The following PKD1L1 variants were observed in gnomAD, a reference collection of about 807,000 sequenced individuals.
The protein encoded by PKD1L1 is polycystin-1-like protein 1.
PKD1L1 carries 236 observed loss-of-function variants against 323.4 expected under a neutral mutation model. The ratio of observed to expected loss-of-function variants is 0.73; its 90% CI spans 0.66 to 0.81. The LOEUF is 0.81. PKD1L1 is among the 40% of genes least tolerant of loss of function. The pLI is 0.00. For synonymous variants in PKD1L1, 1,344 were observed against 1,335.0 expected, an observed-to-expected ratio of 1.01 and a Z score of -0.15; for missense variants, 3,320 against 3,508.0, an observed-to-expected ratio of 0.95 and a Z score of 1.35.
intron 56 of PKD1L1, among the ~76,000 whole-genome samples, chr7:47,780,754 G>T (rs980503242): frequency 1.1e-4 from 17 of 152,130 alleles, no homozygotes; most frequent in Non-Finnish European, 2.5e-4. Context: ...TAGTCTTTTT[G>T]TCTTTATTGC....
intron 13 of PKD1L1, among the ~76,000 whole-genome samples, chr7:47,900,906 T>C (rs148785528): frequency 6.8e-4 from 104 of 152,302 alleles, no homozygotes; most frequent in African/African-American, 2.4e-3. Context: ...AACCCAGGTT[T>C]GTGACAAACA....
chr7:47,952,563 A>T (rs998386651), upstream of PKD1L1, among the ~76,000 whole-genome samples: 4 of 152,158 alleles, frequency 2.6e-5, no homozygotes, highest in African/African-American at 9.7e-5. Flanking sequence ...CTGGGGCCTT[A>T]GCCTCCCTTC....
chr7:47,799,312 C>G (rs903228029), intron 54 of PKD1L1, among the ~76,000 whole-genome samples: 1 of 152,108 alleles, frequency 6.6e-6, no homozygotes, highest in Non-Finnish European at 1.5e-5. Flanking sequence ...TTGATAAAAG[C>G]AAAGGACTCG....
intron 40 of PKD1L1, among the ~76,000 whole-genome samples, chr7:47,833,521 T>C (rs948335887): frequency 2.0e-5 from 3 of 152,156 alleles, no homozygotes; most frequent in Non-Finnish European, 4.4e-5. Flanking sequence ...TTGCACCTGG[T>C]TCTCTGGGAG....
intron 7 of PKD1L1, among the ~76,000 whole-genome samples, chr7:47,924,453 T>C (rs1787619053): frequency 1.3e-5 from 2 of 152,210 alleles, no homozygotes; most frequent in Non-Finnish European, 2.9e-5. Flanking sequence ...ATAGTGATGT[T>C]ATTTACAGGA....
rs778748127 is a variant in PKD1L1, at chr7:47,929,384, G to T, written c.880C>A (p.Leu294Ile). ...RNSDNFMNPV[L>I]NCSLEVEARA... is the part of the protein sequence containing the mutation. ...GCTTCCACTTCCAGGGAGCAATTAA[G>T]AACAGGGTTCATGAAGTTATCAGAA... Residue 294 changes from leucine to isoleucine, a missense_variant, in exon 7 of 57, where the codon CTT (leucine) becomes ATT (isoleucine). Physicochemically the swap from Leu to Ile is conservative, Grantham distance 5 (BLOSUM62 2). Coordinates refer to ENST00000289672, the MANE Select transcript of PKD1L1 (RefSeq NM_138295.5). The T allele has an allele frequency of 1.9e-6, 3 of 1,614,230 alleles. No individual in the cohort carries two copies. Among genetic ancestry groups the T allele is most frequent in the East Asian group, 4.5e-5 (2 of 44,884 alleles).
intron 31 of PKD1L1, among the ~76,000 whole-genome samples, chr7:47,848,588 C>T (rs1785713947): frequency 3.3e-5 from 5 of 152,136 alleles, no homozygotes; most frequent in Admixed American, 2.0e-4. Flanking sequence ...GGTGGACCAC[C>T]TGAGGTCGGG....
At chr7:47,782,828 G>A (rs530519219) in intron 56 of PKD1L1, among the ~76,000 whole-genome samples, 1 of 152,118 alleles carries the variant, frequency 6.6e-6, no homozygotes, top group African/African-American at 2.4e-5. Context: ...TCAACTATAT[G>A]TTGAGTAATA....
rs1786786776 is a variant in PKD1L1, at chr7:47,890,487, C to A, written c.2675+55G>T. On this transcript the variant is annotated intron_variant, in intron 16 of 56. Coordinates refer to ENST00000289672, the MANE Select transcript of PKD1L1 (RefSeq NM_138295.5). ...CAGATTCCTTTCACGGATGCTAGCA[C>A]CAGGTGGGAACAAACACCGGTGAGC... 2.6e-6 allele frequency: 4 copies of A among 1,556,360 alleles called. No homozygotes were observed. In the Admixed American group the frequency reaches 6.7e-5, roughly 26 times the overall value.
rs1583640532 is a variant in PKD1L1, at chr7:47,877,510, G to T, written c.3642C>A (p.Val1214=). 6.2e-7 allele frequency: 1 copy of T among 1,613,950 alleles called. No homozygotes were observed. ...HGLEAHTVFS[V]FCMSGKPDFH... is the part of the protein sequence containing the mutation. Reference sequence around the variant, plus strand: ...GTACCGGTTTTCCAGACATGCAGAAGACACTGAAGACGGTGTGTGCTTCCA... The same window carrying T: ...GTACCGGTTTTCCAGACATGCAGAATACACTGAAGACGGTGTGTGCTTCCA... The change falls in exon 22 of 57, where the codon GTC becomes GTA. Residue 1214 remains valine, a synonymous_variant. Transcript: ENST00000289672.
At chr7:47,790,006 A>T (rs986249696) in intron 56 of PKD1L1, among the ~76,000 whole-genome samples, 2 of 151,932 alleles carry the variant, frequency 1.3e-5, no homozygotes, top group Non-Finnish European at 2.9e-5. Flanking sequence ...CTCTTGCCTC[A>T]GCCTCCCGAG....
Position 47,854,905 on chromosome 7 carries a change from T to C in PKD1L1, c.4836A>G (p.Ala1612=). 6.2e-7 allele frequency: 1 copy of C among 1,614,148 alleles called. No individual in the cohort carries two copies. The highest frequency in any genetic ancestry group is 8.5e-7 in the Non-Finnish European group (1 of 1,180,022). ...EIEFSKPVTR[A]FPVMLLVRFS... Reference sequence around the variant, plus strand: ...ACCTTACTAGCAACATGACGGGAAATGCCCTTGTAACAGGTTTGGAAAATT... The same window carrying C: ...ACCTTACTAGCAACATGACGGGAAACGCCCTTGTAACAGGTTTGGAAAATT... Residue 1612 remains alanine, a synonymous_variant, in exon 30 of 57, where the codon GCA becomes GCG. Transcript: ENST00000289672.
At chr7:47,887,379 C>A (rs75689107) in intron 17 of PKD1L1, among the ~76,000 whole-genome samples, 6,964 of 152,294 alleles carry the variant, frequency 0.046, 384 homozygotes, top group African/African-American at 0.14. Flanking sequence ...AATAGTGCCA[C>A]GTGAGAAATC....
chr7:47,787,621 A>C (rs1786838145), intron 56 of PKD1L1, among the ~76,000 whole-genome samples: 1 of 152,230 alleles, frequency 6.6e-6, no homozygotes, highest in African/African-American at 2.4e-5. Flanking sequence ...AGTTCTTGCT[A>C]GTTATATGAG....
chr7:47,940,466 C>T, intron 2 of PKD1L1, 149 bp from the exon 3 acceptor site: 1 of 679,810 alleles, frequency 1.5e-6, no homozygotes, highest in Non-Finnish European at 2.4e-6. Flanking sequence ...TGTCCTTGGG[C>T]TGCCGTGTCC....
In PKD1L1 at chr7:47,888,111, G is replaced by A. The variant is rs1406078540; in HGVS notation, c.2715C>T (p.Phe905=). 3.1e-6 allele frequency: 5 copies of A among 1,613,942 alleles called. No individual in the cohort carries two copies. Among genetic ancestry groups the A allele is most frequent in the Non-Finnish European group, 4.2e-6 (5 of 1,179,966 alleles). The change falls in exon 17 of 57, where the codon TTC becomes TTT. Residue 905 remains phenylalanine (F), a synonymous_variant. Coordinates refer to ENST00000289672, the MANE Select transcript of PKD1L1 (RefSeq NM_138295.5). ...HISWVSFKDT[F]VNWNDELSLQ... ...GAGAGAGTTCGTCATTCCAGTTGAC[G>A]AAGGTGTCTTTAAAGCTGACCCAGG...
At chr7:47,917,438 C>T (rs1787453084) in intron 7 of PKD1L1, among the ~76,000 whole-genome samples, 1 of 152,230 alleles carries the variant, frequency 6.6e-6, no homozygotes, top group East Asian at 1.9e-4. Context: ...ACTTCCCCAG[C>T]CTTGCTAGAG....
At chr7:47,848,781 G>C (rs1296068319) in intron 31 of PKD1L1, among the ~76,000 whole-genome samples, 1 of 152,036 alleles carries the variant, frequency 6.6e-6, no homozygotes, top group African/African-American at 2.4e-5. Context: ...CTCCAGCCTG[G>C]GCAACAAGAG....
intron 26 of PKD1L1, among the ~76,000 whole-genome samples, chr7:47,864,677 CCCCT>C (rs1390238471): frequency 3.6e-5 from 4 of 111,616 alleles, no homozygotes; most frequent in African/African-American, 1.0e-4. Context: ...CCCTTCCCTT[CCCCT>C]CCCTCCCTCC....
Sources: gnomAD v4.1 joint callset for allele counts (sites outside exome capture counted in the v4.1 genomes callset) on GRCh38, gnomAD v4.1.1 for gene constraint, MANE v1.5 for transcripts, NCBI Gene and HGNC (gene_info 2026-07-23, HGNC 2026-07-21) for gene names.